Variants in ST6GALNAC3 observed in about 807,000 individuals in gnomAD.
The protein encoded by ST6GALNAC3 is ST6 N-acetylgalactosaminide alpha-2,6-sialyltransferase 3, also known as alpha-N-acetylgalactosaminide alpha-2,6-sialyltransferase 3.
Under a neutral mutation model 32.7 loss-of-function variants are expected in ST6GALNAC3, and 25 were observed. The ratio of observed to expected loss-of-function variants is 0.76; its 90% CI spans 0.56 to 1.07. ST6GALNAC3 has a LOEUF of 1.07. ST6GALNAC3 is among the 50% of genes least tolerant of loss of function. ST6GALNAC3 has a pLI of 0.00. For missense variants in ST6GALNAC3, 355 were observed against 382.4 expected, an observed-to-expected ratio of 0.93 and a Z score of 0.60; for synonymous variants, 129 against 133.1, an observed-to-expected ratio of 0.97 and a Z score of 0.21.
At chr1:76,587,251 G>T (rs1646975565) in intron 3 of ST6GALNAC3, among the ~76,000 whole-genome samples, 1 of 152,186 alleles carries the variant, frequency 6.6e-6, no homozygotes, top group Non-Finnish European at 1.5e-5. Flanking sequence ...CACTTTGGGA[G>T]GTGGAAGGCT....
chr1:76,454,484 C>G (rs111397566), intron 3 of ST6GALNAC3, among the ~76,000 whole-genome samples: 2,945 of 152,194 alleles, frequency 0.019, 88 homozygotes, highest in African/African-American at 0.065. Flanking sequence ...CTTGGTAGTA[C>G]AAATTCTCTC....
At chr1:76,149,413 G>C (rs1650899794) in intron 1 of ST6GALNAC3, among the ~76,000 whole-genome samples, 1 of 152,152 alleles carries the variant, frequency 6.6e-6, no homozygotes, top group Non-Finnish European at 1.5e-5. Flanking sequence ...TAATCTGTAA[G>C]CAGACCTATA....
intron 1 of ST6GALNAC3, among the ~76,000 whole-genome samples, chr1:76,190,318 T>C (rs1653820746): frequency 1.3e-5 from 2 of 152,164 alleles, no homozygotes; most frequent in African/African-American, 4.8e-5. Context: ...GTTAGAAAAG[T>C]GCATGGTACT....
intron 3 of ST6GALNAC3, among the ~76,000 whole-genome samples, chr1:76,564,804 C>T (rs948923221): frequency 3.9e-5 from 6 of 152,030 alleles, no homozygotes; most frequent in Admixed American, 3.3e-4. Flanking sequence ...AGGATGGTCT[C>T]GATCTCCTGA....
chr1:76,494,512 C>T (rs1463113900), intron 3 of ST6GALNAC3, among the ~76,000 whole-genome samples: 1 of 120,358 alleles, frequency 8.3e-6, no homozygotes, highest in African/African-American at 3.0e-5. Context: ...CCACTTATTA[C>T]CCTTGGCTGA....
At chr1:76,129,449 G>GT (rs1649469714) in intron 1 of ST6GALNAC3, among the ~76,000 whole-genome samples, 2 of 152,102 alleles carry the variant, frequency 1.3e-5, no homozygotes, top group Non-Finnish European at 2.9e-5. Context: ...TTTCAGTGCC[G>GT]TTTCCCTTTG....
At chr1:76,517,418 A>G (rs964199874) in intron 3 of ST6GALNAC3, among the ~76,000 whole-genome samples, 15 of 151,858 alleles carry the variant, frequency 9.9e-5, no homozygotes, top group Admixed American at 8.5e-4. Context: ...TTAAAATTTT[A>G]TCTAACTTTT....
intron 2 of ST6GALNAC3, among the ~76,000 whole-genome samples, chr1:76,391,535 C>G (rs1171223268): frequency 2.9e-5 from 2 of 69,492 alleles, no homozygotes; most frequent in Admixed American, 3.3e-4. Context: ...TTCCTTCCTT[C>G]CTTCCTTCCT....
intron 3 of ST6GALNAC3, among the ~76,000 whole-genome samples, chr1:76,478,908 G>A (rs545939829): frequency 2.8e-3 from 430 of 151,638 alleles, no homozygotes; most frequent in Admixed American, 4.7e-3. Flanking sequence ...GACCACAGGT[G>A]CCCGCCACCA....
chr1:76,172,960 T>C (rs995891155), intron 1 of ST6GALNAC3, among the ~76,000 whole-genome samples: 1 of 152,218 alleles, frequency 6.6e-6, no homozygotes, highest in African/African-American at 2.4e-5. Flanking sequence ...ACCATTGATA[T>C]TCTTCACATA....
rs570732052 is a variant in ST6GALNAC3, at chr1:76,536,798, A to G, written c.624-90654A>G. ...ACAAGAAGAGCTAACTATTCTAAAT[A>G]TATATGCACCCAATAGAGGAGCATC... On this transcript the variant is annotated intron_variant, in intron 3 of 4. Coordinates refer to ENST00000328299, the MANE Select transcript of ST6GALNAC3 (RefSeq NM_152996.4). Among the ~76,000 whole-genome samples the G allele has an allele frequency of 4.6e-5, 7 of 152,266 alleles. No homozygotes were observed. The South Asian group carries it at 1.5e-3, about 32-fold the overall frequency.
intron 2 of ST6GALNAC3, among the ~76,000 whole-genome samples, chr1:76,343,087 G>A (rs766019879): frequency 4.6e-5 from 7 of 151,984 alleles, no homozygotes; most frequent in Admixed American, 1.3e-4. Flanking sequence ...ATTCAGTCCC[G>A]TTTGTCTATT....
chr1:76,327,039 A>T (rs1050585749), intron 2 of ST6GALNAC3, among the ~76,000 whole-genome samples: 2 of 152,162 alleles, frequency 1.3e-5, no homozygotes, highest in African/African-American at 4.8e-5. Flanking sequence ...TTAAGGAAGA[A>T]TTCAAATGTT....
chr1:76,535,413 T>C (rs1419583603), intron 3 of ST6GALNAC3, among the ~76,000 whole-genome samples: 1 of 152,148 alleles, frequency 6.6e-6, no homozygotes, highest in African/African-American at 2.4e-5. Flanking sequence ...ACAAGACACA[T>C]TCTGATTTCT....
At chr1:76,444,684 T>C (rs1044039320) in intron 3 of ST6GALNAC3, among the ~76,000 whole-genome samples, 1 of 152,262 alleles carries the variant, frequency 6.6e-6, no homozygotes. Context: ...CCTTCTCCAC[T>C]TTCCATAGTT....
chr1:76,575,143 C>G (rs946694114), intron 3 of ST6GALNAC3, among the ~76,000 whole-genome samples: 1 of 152,122 alleles, frequency 6.6e-6, no homozygotes, highest in Non-Finnish European at 1.5e-5. Context: ...GCCATAGCAA[C>G]AGTTCACCTT....
At chr1:76,191,595 C>T (rs1653900468) in intron 1 of ST6GALNAC3, among the ~76,000 whole-genome samples, 1 of 152,040 alleles carries the variant, frequency 6.6e-6, no homozygotes, top group Non-Finnish European at 1.5e-5. Context: ...CATGATTTGA[C>T]CATTATACAA....
chr1:76,296,794 A>G (rs1660430484), intron 1 of ST6GALNAC3, among the ~76,000 whole-genome samples: 1 of 152,064 alleles, frequency 6.6e-6, no homozygotes, highest in Admixed American at 6.6e-5. Context: ...TATAATAAAT[A>G]TATTCTAGTT....
chr1:76,617,994 C>G (rs1045966506), intron 3 of ST6GALNAC3, among the ~76,000 whole-genome samples: 2 of 152,008 alleles, frequency 1.3e-5, no homozygotes, highest in Admixed American at 6.6e-5. Flanking sequence ...TGTTTTGAAT[C>G]GTGAAATTAC....
Sources: gnomAD v4.1 joint callset for allele counts (sites outside exome capture counted in the v4.1 genomes callset) on GRCh38, gnomAD v4.1.1 for gene constraint, MANE v1.5 for transcripts, NCBI Gene and HGNC (gene_info 2026-07-23, HGNC 2026-07-21) for gene names.